Variants in MAL observed in about 807,000 individuals in gnomAD.
The protein encoded by MAL is mal, T cell differentiation protein (MAL blood group).
In MAL, 5 loss-of-function variants were observed where a neutral mutation model predicts 16.7. The ratio of observed to expected loss-of-function variants is 0.30; its 90% CI spans 0.16 to 0.63. The LOEUF (loss-of-function observed/expected upper bound fraction) is 0.63. Among genes scored for constraint, MAL ranks in the 30% least tolerant of loss-of-function variants. The pLI is 0.82. For missense variants in MAL, 202 were observed against 195.8 expected, an observed-to-expected ratio of 1.03 and a Z score of -0.19; for synonymous variants, 96 against 85.5, an observed-to-expected ratio of 1.12 and a Z score of -0.67.
chr2:95,046,922 GAA>G (rs1313578158), intron 1 of MAL, among the ~76,000 whole-genome samples: 1 of 144,734 alleles, frequency 6.9e-6, no homozygotes, highest in African/African-American at 2.6e-5. Context: ...GAGAGAGAAA[GAA>G]AGAGAGAAAG....
At chr2:95,038,336 G>C (rs1286324645) in intron 1 of MAL, among the ~76,000 whole-genome samples, 1 of 151,550 alleles carries the variant, frequency 6.6e-6, no homozygotes, top group Non-Finnish European at 1.5e-5. Context: ...GAGTGACTGA[G>C]TGAGTGAGTA....
chr2:95,029,853 C>T (rs1212804683), intron 1 of MAL, among the ~76,000 whole-genome samples: 2 of 152,200 alleles, frequency 1.3e-5, no homozygotes, highest in Non-Finnish European at 2.9e-5. Flanking sequence ...GGACCTTCCC[C>T]GGCCCCTACC....
chr2:95,046,967 AAGAAGAAAGAAAG>A (rs1322285399), intron 1 of MAL, among the ~76,000 whole-genome samples: 3 of 151,294 alleles, frequency 2.0e-5, no homozygotes, highest in Admixed American at 2.0e-4. Context: ...GAAAGAAAGA[AAGAAGAAAGAAAG>A]AAAGAAAAAG....
intron 1 of MAL, among the ~76,000 whole-genome samples, chr2:95,047,273 T>A (rs1674612719): frequency 6.6e-6 from 1 of 152,258 alleles, no homozygotes; most frequent in Admixed American, 6.5e-5. Flanking sequence ...AACTTCCACC[T>A]ACCTCAGTTT....
rs769278316 is a variant in MAL at position 95,053,417 on chromosome 2, C to A, written c.424C>A (p.His142Asn). 1 of 1,613,584 alleles carries A rather than the reference C, an allele frequency of 6.2e-7. No individual in the cohort carries two copies. Among genetic ancestry groups the A allele is most frequent in the East Asian group, 2.2e-5 (1 of 44,896 alleles). Residue 142 changes from histidine (H) to asparagine (N), a missense_variant, in exon 4 of 4, where the codon CAT becomes AAT. Transcript: ENST00000309988. ...SYIATLLYVV[H>N]AVFSLIRWKS... ...CATAGCCACTCTGCTCTACGTGGTC[C>A]ATGCGGTGTTCTCTTTAATCAGATG...
At chr2:95,030,942 A>G (rs529575729) in intron 1 of MAL, among the ~76,000 whole-genome samples, 2 of 152,242 alleles carry the variant, frequency 1.3e-5, no homozygotes, top group South Asian at 2.1e-4. Context: ...CTAGATTTCT[A>G]CCTGGCTGGG....
chr2:95,052,627 G>A (rs1320670243), intron 3 of MAL, among the ~76,000 whole-genome samples: 3 of 152,156 alleles, frequency 2.0e-5, no homozygotes, highest in Admixed American at 6.5e-5. Flanking sequence ...ACAAAACCAG[G>A]TGCAGAGATT....
chr2:95,046,916 G>GAGAAAGAAAGAGAGAAAGAGAA (rs1183751232), intron 1 of MAL, among the ~76,000 whole-genome samples: 2 of 147,648 alleles, frequency 1.4e-5, no homozygotes, highest in African/African-American at 2.5e-5. Flanking sequence ...GAGAAAGAGA[G>GAGAAAGAAAGAGAGAAAGAGAA]AGAAAGAAAG....
chr2:95,044,260 G>A (rs1457457910), intron 1 of MAL: 1 of 152,214 alleles, frequency 6.6e-6, no homozygotes, highest in African/African-American at 2.4e-5. Context: ...TGGAATGGGG[G>A]CAGGGAAGCC....
intron 3 of MAL, 132 bp from the exon 4 acceptor site, chr2:95,053,249 G>C: frequency 4.2e-6 from 3 of 715,812 alleles, no homozygotes; most frequent in Non-Finnish European, 7.6e-6. Flanking sequence ...TCCATGTGAG[G>C]GTGAGAAGCA....
chr2:95,041,881 C>G (rs1573296685), intron 1 of MAL, among the ~76,000 whole-genome samples: 1 of 152,034 alleles, frequency 6.6e-6, no homozygotes, highest in East Asian at 1.9e-4. Context: ...ACTTTTTGTC[C>G]AGTTTTGTAC....
At chr2:95,041,077 G>C (rs1454171430) in intron 1 of MAL, among the ~76,000 whole-genome samples, 1 of 152,122 alleles carries the variant, frequency 6.6e-6, no homozygotes, top group Non-Finnish European at 1.5e-5. Flanking sequence ...GTGAAATGGA[G>C]CCCCAGAAAA....
chr2:95,030,440 G>C (rs777817168), intron 1 of MAL, among the ~76,000 whole-genome samples: 2 of 152,210 alleles, frequency 1.3e-5, no homozygotes, highest in Non-Finnish European at 2.9e-5. Flanking sequence ...GCCACTCTCT[G>C]TCTCTGTCTC....
intron 1 of MAL, 114 bp from the exon 2 acceptor site, chr2:95,047,845 G>A (rs752364643): frequency 1.7e-4 from 167 of 1,009,534 alleles, no homozygotes; most frequent in Non-Finnish European, 2.0e-4. Flanking sequence ...TGTTCTCTTT[G>A]CCTGCTTCCT....
At position 95,049,485 on chromosome 2, in the gene MAL, G is replaced by A. The variant is rs554897834; in HGVS notation, c.262-96G>A. 8 of 1,497,084 alleles carry A rather than the reference G, an allele frequency of 5.3e-6. No homozygotes were observed. In the East Asian group the frequency reaches 1.6e-4, roughly 30 times the overall value. The allele number at this position is 1,497,084 out of a possible 1,614,324, so 92.7% of individuals were successfully genotyped here. ...AGGGGTGGGATTCAAAGGAAGTGGGGGGAGAGGCAAGGGGCGGGGGTGGAG... is the reference window on the plus strand; with the variant it reads ...AGGGGTGGGATTCAAAGGAAGTGGGAGGAGAGGCAAGGGGCGGGGGTGGAG... On this transcript the variant is annotated intron_variant, in intron 2 of 3. Coordinates refer to ENST00000309988, the MANE Select transcript of MAL (RefSeq NM_002371.4).
intron 3 of MAL, among the ~76,000 whole-genome samples, chr2:95,049,933 C>T (rs568710531): frequency 1.1e-4 from 16 of 152,276 alleles, no homozygotes; most frequent in African/African-American, 3.6e-4. Flanking sequence ...CCCAGGCCTG[C>T]GTGGGCTTTG....
At chr2:95,038,560 GTGAGTGAC>G (rs1194573899) in intron 1 of MAL, among the ~76,000 whole-genome samples, 5 of 150,862 alleles carry the variant, frequency 3.3e-5, no homozygotes, top group South Asian at 2.1e-4. Flanking sequence ...GAGTGAGTGA[GTGAGTGAC>G]TGAGTGACTG....
intron 1 of MAL, among the ~76,000 whole-genome samples, chr2:95,042,731 CT>C (rs1340863041): frequency 6.6e-6 from 1 of 152,220 alleles, no homozygotes; most frequent in Non-Finnish European, 1.5e-5. Context: ...CCTCTTTGCA[CT>C]GCCACCTGGA....
intron 1 of MAL, among the ~76,000 whole-genome samples, chr2:95,037,504 CTGAGTGAG>C (rs374753619): frequency 7.5e-5 from 7 of 93,384 alleles, no homozygotes; most frequent in Non-Finnish European, 1.3e-4. Flanking sequence ...GACTGAGTGA[CTGAGTGAG>C]TGAGTGAGTG....
Sources: allele counts gnomAD v4.1 joint callset (sites outside exome capture counted in the v4.1 genomes callset), GRCh38; gene constraint gnomAD v4.1.1; transcripts MANE v1.5; gene names NCBI Gene and HGNC (gene_info 2026-07-23, HGNC 2026-07-21).